The following CAST variants were observed in gnomAD, a reference collection of about 807,000 sequenced individuals.
The protein encoded by CAST is MIR583 host.
In CAST, 76 loss-of-function variants were observed where a neutral mutation model predicts 119.6. That is an observed-to-expected ratio of 0.64 (90% confidence interval 0.53 to 0.77). The LOEUF (loss-of-function observed/expected upper bound fraction) is 0.77. CAST is among the 30% of genes least tolerant of loss of function. CAST has a pLI of 0.00. For missense variants in CAST, 953 were observed against 946.5 expected (o/e 1.01, Z -0.09); for synonymous variants, 319 against 331.6 (o/e 0.96, Z 0.41).
intron 27 of CAST, 80 bp from the exon 28 acceptor site, chr5:96,767,358 C>A: frequency 8.8e-7 from 1 of 1,133,436 alleles, no homozygotes; most frequent in Non-Finnish European, 1.3e-6. Context: ...AGTCATGGGA[C>A]AATAGATTCT....
chr5:96,637,193 T>C (rs142911655), intron 1 of CAST, among the ~76,000 whole-genome samples: 298 of 152,360 alleles, frequency 2.0e-3, no homozygotes, highest in African/African-American at 7.0e-3. Flanking sequence ...ATATTTACTA[T>C]GTGTCAGGTG....
chr5:96,220,329 C>G, the CAST span, among the ~76,000 whole-genome samples: 2 of 152,128 alleles, frequency 1.3e-5, no homozygotes, highest in Admixed American at 6.5e-5. Flanking sequence ...ATTTTAATCT[C>G]AGATGGTAAA....
chr5:96,499,463 A>G, the CAST span, among the ~76,000 whole-genome samples: 50,876 of 152,154 alleles, frequency 0.33, 9,852 homozygotes, highest in Non-Finnish European at 0.44. Flanking sequence ...AAAAGATGCT[A>G]ACAATTATCT....
intron 1 of CAST, among the ~76,000 whole-genome samples, chr5:96,607,329 T>C (rs1489749103): frequency 6.6e-6 from 1 of 152,132 alleles, no homozygotes; most frequent in Admixed American, 6.5e-5. Flanking sequence ...GGTATTATAG[T>C]AAGTTCTCTC....
the CAST span, among the ~76,000 whole-genome samples, chr5:96,503,453 A>C: frequency 1.3e-5 from 2 of 152,134 alleles, no homozygotes; most frequent in African/African-American, 4.8e-5. Flanking sequence ...TGGGAAATTG[A>C]ATGCCCCCAT....
chr5:96,575,449 G>A (rs1746652066), intron 1 of CAST, among the ~76,000 whole-genome samples: 3 of 152,026 alleles, frequency 2.0e-5, no homozygotes, highest in Admixed American at 6.6e-5. Flanking sequence ...AGTAAGAATG[G>A]ACAGAATGAA....
the CAST span, among the ~76,000 whole-genome samples, chr5:96,386,684 G>A: frequency 4.6e-5 from 7 of 152,204 alleles, no homozygotes; most frequent in Non-Finnish European, 1.0e-4. Context: ...ACCATACTTT[G>A]CCAGGCATGG....
chr5:96,383,691 C>T, the CAST span, among the ~76,000 whole-genome samples: 4 of 152,306 alleles, frequency 2.6e-5, no homozygotes, highest in South Asian at 4.1e-4. Flanking sequence ...CGTGATCTGC[C>T]TGCCTTGGCC....
At chr5:96,516,354 C>T in the CAST span, among the ~76,000 whole-genome samples, 77 of 148,306 alleles carry the variant, frequency 5.2e-4, no homozygotes, top group East Asian at 6.1e-3. Flanking sequence ...GTAAACTTTC[C>T]AGTTATGTGA....
upstream of CAST, among the ~76,000 whole-genome samples, chr5:96,526,241 C>A (rs1180815793): frequency 1.3e-5 from 2 of 152,140 alleles, no homozygotes; most frequent in Non-Finnish European, 2.9e-5. Flanking sequence ...CTCCAGGAAG[C>A]AGCCAGATGA....
At chr5:96,164,646 A>G in the CAST span, among the ~76,000 whole-genome samples, 3 of 152,214 alleles carry the variant, frequency 2.0e-5, no homozygotes, top group African/African-American at 4.8e-5. Context: ...TCTCTGCCCT[A>G]TAATAGCCTG....
chr5:96,571,009 A>G (rs1264938556), intron 1 of CAST, among the ~76,000 whole-genome samples: 2 of 152,218 alleles, frequency 1.3e-5, no homozygotes, highest in Non-Finnish European at 2.9e-5. Context: ...CAAGGTGGAA[A>G]CAAGTATATA....
At chr5:96,710,189 T>G (rs1195825455) in intron 3 of CAST, among the ~76,000 whole-genome samples, 4 of 152,224 alleles carry the variant, frequency 2.6e-5, no homozygotes, top group Admixed American at 6.5e-5. Flanking sequence ...TGGAAGGTAA[T>G]TTTGAAGAGT....
chr5:96,071,198 C>T, the CAST span, among the ~76,000 whole-genome samples: 3 of 151,978 alleles, frequency 2.0e-5, no homozygotes, highest in South Asian at 2.1e-4. Context: ...TCCCTCAGTC[C>T]CCGCAGTGTC....
chr5:96,214,618 T>C, the CAST span, among the ~76,000 whole-genome samples: 135 of 152,280 alleles, frequency 8.9e-4, 1 homozygote, highest in African/African-American at 3.1e-3. Flanking sequence ...AAGAATAAGA[T>C]AGACAAGGTC....
the CAST span, among the ~76,000 whole-genome samples, chr5:96,234,828 ATG>A: frequency 2.6e-5 from 4 of 151,876 alleles, no homozygotes; most frequent in East Asian, 7.7e-4. Context: ...GTATGTGTGT[ATG>A]TGTGTGTGTG....
the CAST span, among the ~76,000 whole-genome samples, chr5:96,269,286 C>G: frequency 1.3e-5 from 2 of 152,042 alleles, no homozygotes; most frequent in Non-Finnish European, 2.9e-5. Context: ...TATCTATATA[C>G]CCAACAATGG....
the CAST span, among the ~76,000 whole-genome samples, chr5:96,445,872 A>G: frequency 6.6e-6 from 1 of 152,164 alleles, no homozygotes; most frequent in Non-Finnish European, 1.5e-5. Flanking sequence ...CTTTTGAGGC[A>G]GGGTCTTACT....
the CAST span, among the ~76,000 whole-genome samples, chr5:96,328,002 T>G: frequency 1.0e-3 from 156 of 152,336 alleles, 1 homozygote; most frequent in African/African-American, 3.6e-3. Flanking sequence ...ATGCCCCTAA[T>G]GAGCCCAGAT....
Sources: gnomAD v4.1 joint callset for allele counts (sites outside exome capture counted in the v4.1 genomes callset) on GRCh38, gnomAD v4.1.1 for gene constraint, MANE v1.5 for transcripts, NCBI Gene and HGNC (gene_info 2026-07-23, HGNC 2026-07-21) for gene names.